FRK: variants seen among roughly 807,000 people sequenced by gnomAD.
FRK encodes fyn related Src family tyrosine kinase, also known as tyrosine-protein kinase FRK.
A neutral mutation model predicts 56.4 loss-of-function variants in FRK; 51 were observed. That is an observed-to-expected ratio of 0.90 (90% CI 0.72 to 1.14). FRK has a LOEUF of 1.14. Ranked by LOEUF, FRK falls within the 50% of genes most tolerant of loss-of-function variation. The pLI is 0.00. For missense variants in FRK, 570 were observed against 601.4 expected, an observed-to-expected ratio of 0.95 and a Z score of 0.55; for synonymous variants, 245 against 217.9, an observed-to-expected ratio of 1.12 and a Z score of -1.10.
At chr6:116,031,485 C>T (rs774843668) in intron 1 of FRK, among the ~76,000 whole-genome samples, 44 of 152,138 alleles carry the variant, frequency 2.9e-4, no homozygotes, top group Middle Eastern at 3.4e-3. Flanking sequence ...AGATGTAATG[C>T]AGGAAGTTAG....
At chr6:115,943,489 C>CAA (rs35923228) in intron 6 of FRK, among the ~76,000 whole-genome samples, 88 of 59,478 alleles carry the variant, frequency 1.5e-3, no homozygotes, top group African/African-American at 4.4e-3. Flanking sequence ...TGGTCTTGAG[C>CAA]AAAAAAAAAA....
At chr6:116,034,331 G>A (rs1235823055) in intron 1 of FRK, among the ~76,000 whole-genome samples, 2 of 152,008 alleles carry the variant, frequency 1.3e-5, no homozygotes, top group African/African-American at 4.8e-5. Context: ...ATTATATATT[G>A]TATGCATGAA....
chr6:116,010,706 GAAT>G (rs997804071), intron 1 of FRK, among the ~76,000 whole-genome samples: 4 of 152,154 alleles, frequency 2.6e-5, no homozygotes, highest in Admixed American at 6.5e-5. Context: ...TTGTAAGTGA[GAAT>G]AATAATAATT....
Position 116,048,877 on chromosome 6 carries a change from T to C in FRK, c.344+11091A>G, listed in dbSNP as rs1386247886. 2.0e-5 allele frequency among the ~76,000 whole-genome samples: 3 copies of C among 152,228 alleles called. No individual in the cohort carries two copies. The South Asian group carries it at 6.2e-4, about 31-fold the overall frequency. Reference sequence around the variant, plus strand: ...GCTATTAGAAGGATTAAATTAGTTTTGTATGCTTAGCGCATTGAATGTATT... The same window carrying C: ...GCTATTAGAAGGATTAAATTAGTTTCGTATGCTTAGCGCATTGAATGTATT... On this transcript the variant is annotated intron_variant, in intron 1 of 7. Coordinates refer to ENST00000606080, the MANE Select transcript of FRK (RefSeq NM_002031.3).
intron 5 of FRK, among the ~76,000 whole-genome samples, chr6:115,950,404 A>T (rs1460489610): frequency 6.6e-6 from 1 of 152,226 alleles, no homozygotes; most frequent in Non-Finnish European, 1.5e-5. Context: ...ACATTCATGC[A>T]GTCAACAAAT....
At chr6:115,969,765 G>A (rs780023614) in intron 2 of FRK, among the ~76,000 whole-genome samples, 3 of 152,216 alleles carry the variant, frequency 2.0e-5, no homozygotes, top group Non-Finnish European at 2.9e-5. Flanking sequence ...CCTGAGAAGA[G>A]AAGCAGCCCA....
At chr6:115,994,081 ATGACCAAGTAGTT>A (rs1400942479) in intron 2 of FRK, among the ~76,000 whole-genome samples, 1 of 152,026 alleles carries the variant, frequency 6.6e-6, no homozygotes, top group Non-Finnish European at 1.5e-5. Context: ...TAATGGTTCT[ATGACCAAGTAGTT>A]TGAGATATTC....
chr6:116,096,306 GGA>G, the FRK span, among the ~76,000 whole-genome samples: 1 of 152,192 alleles, frequency 6.6e-6, no homozygotes, highest in African/African-American at 2.4e-5. Context: ...CCTGTTTAGA[GGA>G]GAGATTGAGA....
At chr6:116,048,921 T>C (rs900256196) in intron 1 of FRK, among the ~76,000 whole-genome samples, 13 of 152,136 alleles carry the variant, frequency 8.5e-5, no homozygotes, top group Admixed American at 3.3e-4. Flanking sequence ...TTATTTTCCT[T>C]CCCCTTAAGT....
intron 5 of FRK, among the ~76,000 whole-genome samples, chr6:115,954,379 A>T (rs536145390): frequency 3.3e-4 from 50 of 152,308 alleles, no homozygotes; most frequent in African/African-American, 1.2e-3. Flanking sequence ...ACTGAAGGAG[A>T]CAAGAAGCAG....
chr6:115,982,465 A>C (rs1254482802), intron 2 of FRK, among the ~76,000 whole-genome samples: 1 of 152,142 alleles, frequency 6.6e-6, no homozygotes, highest in African/African-American at 2.4e-5. Flanking sequence ...TGACTAATAC[A>C]ATTAAAGAGG....
the FRK span, among the ~76,000 whole-genome samples, chr6:116,070,950 A>G: frequency 0.1 from 15,212 of 152,110 alleles, 884 homozygotes; most frequent in African/African-American, 0.16. Context: ...AGTACCTGGT[A>G]CTTTAATAAC....
At chr6:115,982,914 A>C (rs969673536) in intron 2 of FRK, among the ~76,000 whole-genome samples, 2 of 152,066 alleles carry the variant, frequency 1.3e-5, no homozygotes, top group African/African-American at 4.8e-5. Context: ...TCTACTAAAA[A>C]TACAAAATTT....
At chr6:116,098,402 C>T in the FRK span, among the ~76,000 whole-genome samples, 25 of 152,112 alleles carry the variant, frequency 1.6e-4, no homozygotes, top group Non-Finnish European at 2.9e-4. Flanking sequence ...TGTGCCACGA[C>T]GCCAGGCAGA....
At chr6:116,038,955 A>G in intron 1 of FRK, 1 of 676,930 alleles carries the variant, frequency 1.5e-6, no homozygotes, top group Non-Finnish European at 2.8e-6. Flanking sequence ...GAACTGCTAC[A>G]AAGTAACTAA....
the FRK span, among the ~76,000 whole-genome samples, chr6:116,078,290 A>C: frequency 8.2e-5 from 12 of 146,676 alleles, no homozygotes; most frequent in African/African-American, 3.1e-4. Context: ...AACTTGTTGG[A>C]TAATATTGTT....
chr6:116,028,679 T>C (rs1234207929), intron 1 of FRK, among the ~76,000 whole-genome samples: 1 of 152,100 alleles, frequency 6.6e-6, no homozygotes, highest in East Asian at 1.9e-4. Context: ...TGTCTGAGTC[T>C]CCAAATTTCC....
At position 115,940,887 on chromosome 6, in the gene FRK, T is replaced by C. The variant is rs952196692; in HGVS notation, c.*1527A>G. The C allele has an allele frequency of 6.6e-6, 1 of 152,182 alleles. No homozygotes were observed. Among genetic ancestry groups the C allele is most frequent in the African/African-American group, 2.4e-5 (1 of 41,452 alleles). The allele number at this position is 152,182 out of a possible 1,614,324, so 9.4% of individuals were successfully genotyped here. A position where few individuals can be genotyped will look rare whatever the true frequency, so the allele number is the denominator to read the frequency against. ...GAGAAATAGGAACACATTTACACTT[T>C]TACTCTGTTGGTGGGAGTATAAATT... On this transcript the variant is annotated 3_prime_UTR_variant, in exon 8 of 8. Coordinates refer to ENST00000606080, the MANE Select transcript of FRK (RefSeq NM_002031.3).
chr6:116,084,412 G>A, the FRK span, among the ~76,000 whole-genome samples: 3 of 152,142 alleles, frequency 2.0e-5, no homozygotes, highest in Non-Finnish European at 4.4e-5. Flanking sequence ...GTCTGCAGTC[G>A]GTTCACAGTT....
Sources: allele counts gnomAD v4.1 joint callset (sites outside exome capture counted in the v4.1 genomes callset), GRCh38; gene constraint gnomAD v4.1.1; transcripts MANE v1.5; gene names NCBI Gene and HGNC (gene_info 2026-07-23, HGNC 2026-07-21).